The following LMX1A variants were observed in gnomAD, a reference collection of about 807,000 sequenced individuals.
LMX1A encodes LIM homeobox transcription factor 1 alpha, also known as LIM homeobox transcription factor 1-alpha.
LMX1A carries 15 observed loss-of-function variants against 49.1 expected under a neutral mutation model. The observed-to-expected ratio is 0.31, with a 90% CI of 0.20 to 0.47. The LOEUF (loss-of-function observed/expected upper bound fraction) is 0.47. LMX1A is among the 20% of genes least tolerant of loss of function. The probability of loss-of-function intolerance (pLI) is 1.00; values close to 1 mark genes in which losing one functional copy is unlikely to be tolerated. For missense variants in LMX1A, 372 were observed against 475.8 expected, an observed-to-expected ratio of 0.78 and a Z score of 2.03; for synonymous variants, 167 against 185.7, an observed-to-expected ratio of 0.90 and a Z score of 0.82.
At chr1:165,288,842 G>A (rs1022979868) in intron 3 of LMX1A, among the ~76,000 whole-genome samples, 3 of 152,224 alleles carry the variant, frequency 2.0e-5, no homozygotes, top group Non-Finnish European at 2.9e-5. Context: ...TGCTACAGAT[G>A]TGTGGCGGTG....
intron 5 of LMX1A, 95 bp from the exon 6 acceptor site, chr1:165,210,871 GTATCTGC>G: frequency 1.3e-6 from 1 of 751,516 alleles, no homozygotes; most frequent in East Asian, 2.8e-5. Context: ...CCAAAAGACT[GTATCTGC>G]TTTAGGAGCT....
At chr1:165,333,409 T>C (rs1243157830) in intron 3 of LMX1A, among the ~76,000 whole-genome samples, 1 of 152,132 alleles carries the variant, frequency 6.6e-6, no homozygotes, top group Non-Finnish European at 1.5e-5. Context: ...TCTGCCCACC[T>C]CCGCCTCCCA....
At chr1:165,280,462 G>A (rs2101705200) in intron 3 of LMX1A, among the ~76,000 whole-genome samples, 1 of 152,194 alleles carries the variant, frequency 6.6e-6, no homozygotes, top group Admixed American at 6.5e-5. Flanking sequence ...GAGCATTCAG[G>A]GATTCACCTC....
intron 4 of LMX1A, among the ~76,000 whole-genome samples, chr1:165,228,232 C>CA (rs34431741): frequency 0.82 from 125,124 of 152,094 alleles, 53,769 homozygotes; most frequent in Non-Finnish European, 0.95. Context: ...GTTTAGATAG[C>CA]CCTGCTGAAG....
intron 3 of LMX1A, among the ~76,000 whole-genome samples, chr1:165,276,676 T>A (rs374572452): frequency 8.9e-5 from 12 of 134,494 alleles, no homozygotes; most frequent in South Asian, 2.2e-4. Context: ...AAAAAAAAAA[T>A]TAAGTGTGGC....
intron 3 of LMX1A, among the ~76,000 whole-genome samples, chr1:165,317,514 G>C (rs746312815): frequency 1.3e-5 from 2 of 152,232 alleles, no homozygotes; most frequent in Non-Finnish European, 2.9e-5. Flanking sequence ...AGGCATTTCA[G>C]ATGTGTCAGC....
intron 3 of LMX1A, among the ~76,000 whole-genome samples, chr1:165,314,187 C>A (rs190862074): frequency 6.6e-6 from 1 of 152,160 alleles, no homozygotes; most frequent in African/African-American, 2.4e-5. Flanking sequence ...AGGGTGGCAG[C>A]GGTTGGGGGA....
At chr1:165,223,742 T>C (rs1466458598) in intron 4 of LMX1A, among the ~76,000 whole-genome samples, 1 of 152,088 alleles carries the variant, frequency 6.6e-6, no homozygotes, top group African/African-American at 2.4e-5. Context: ...CAATTTTGTA[T>C]GTTGTCTTAC....
chr1:165,232,674 C>T (rs570265992), intron 4 of LMX1A, among the ~76,000 whole-genome samples: 1 of 152,310 alleles, frequency 6.6e-6, no homozygotes, highest in East Asian at 1.9e-4. Flanking sequence ...CAGATCCAAA[C>T]CAATTCTTGG....
intron 3 of LMX1A, among the ~76,000 whole-genome samples, chr1:165,319,507 A>G (rs1655320289): frequency 6.6e-6 from 1 of 152,120 alleles, no homozygotes; most frequent in African/African-American, 2.4e-5. Context: ...TATGATAAAT[A>G]AATATATAAT....
chr1:165,291,656 T>C (rs1654469117), intron 3 of LMX1A, among the ~76,000 whole-genome samples: 1 of 152,258 alleles, frequency 6.6e-6, no homozygotes, highest in Admixed American at 6.5e-5. Flanking sequence ...GGTTCTGGCA[T>C]CATTTCCATT....
At chr1:165,221,237 A>G (rs1332665045) in intron 4 of LMX1A, among the ~76,000 whole-genome samples, 4 of 152,108 alleles carry the variant, frequency 2.6e-5, no homozygotes, top group Non-Finnish European at 5.9e-5. Context: ...TGCAGGCAGC[A>G]TTATTGTTAT....
chr1:165,218,159 T>G (rs1446997046), intron 4 of LMX1A, among the ~76,000 whole-genome samples: 1 of 152,238 alleles, frequency 6.6e-6, no homozygotes, highest in Admixed American at 6.5e-5. Flanking sequence ...CCTAGACCTC[T>G]CCTGACCTCT....
rs1330690584 is a variant in LMX1A at position 165,355,225 on chromosome 1, C to G, written c.76+259G>C. ...TTTTTAATCACTTGCCACTCAGACGCCTACGAACAAGCTCGCCCGCCCCTC... is the reference window on the plus strand; with the variant it reads ...TTTTTAATCACTTGCCACTCAGACGGCTACGAACAAGCTCGCCCGCCCCTC... On this transcript the variant is annotated intron_variant, in intron 2 of 8. Transcript: ENST00000342310. The surrounding 1 kb of genome is among the most constrained non-coding windows in gnomAD (Gnocchi z 4.7). Among the ~76,000 whole-genome samples, 2 of 152,110 alleles carry G rather than the reference C, an allele frequency of 1.3e-5. No homozygotes were observed. Among genetic ancestry groups the G allele is most frequent in the African/African-American group, 4.8e-5 (2 of 41,408 alleles).
chr1:165,217,141 A>G (rs1209820997), intron 4 of LMX1A, among the ~76,000 whole-genome samples: 1 of 152,158 alleles, frequency 6.6e-6, no homozygotes, highest in Admixed American at 6.5e-5. Context: ...ATATGACCCT[A>G]GCCAACATGT....
chr1:165,251,760 T>G lies in LMX1A; in HGVS notation c.264-2120A>C, dbSNP rs577590472. The stretch of plus-strand genomic sequence containing the variant: ...CCTTCAGGACACAGCAGCTTCCATC[T>G]TCTCCTTGAATCCTGCCCTGATCTG... On this transcript the variant is annotated intron_variant, in intron 3 of 8. Coordinates refer to ENST00000342310, the MANE Select transcript of LMX1A (RefSeq NM_177398.4). 2.4e-3 allele frequency among the ~76,000 whole-genome samples: 365 copies of G among 152,266 alleles called. 1 individual carries two copies. The highest frequency in any genetic ancestry group is 5.8e-3 in the Admixed American group (89 of 15,282).
chr1:165,323,260 T>C (rs548090248), intron 3 of LMX1A, among the ~76,000 whole-genome samples: 26 of 152,306 alleles, frequency 1.7e-4, no homozygotes, highest in African/African-American at 6.0e-4. Context: ...CAGTTAACCA[T>C]ACAAAATATA....
intron 4 of LMX1A, among the ~76,000 whole-genome samples, chr1:165,228,494 G>C (rs1027417795): frequency 1.3e-5 from 2 of 152,152 alleles, no homozygotes. Context: ...TTCTCCCCAG[G>C]CTGGCCCCAG....
chr1:165,313,767 T>C (rs1655142649), intron 3 of LMX1A, among the ~76,000 whole-genome samples: 1 of 152,032 alleles, frequency 6.6e-6, no homozygotes, highest in Non-Finnish European at 1.5e-5. Flanking sequence ...GACAGATGAG[T>C]TCACTGAGGC....
Sources: gnomAD v4.1 joint callset for allele counts (sites outside exome capture counted in the v4.1 genomes callset) on GRCh38, gnomAD v4.1.1 for gene constraint, Gnocchi (gnomAD v3.1) non-coding constraint, MANE v1.5 for transcripts, NCBI Gene and HGNC (gene_info 2026-07-23, HGNC 2026-07-21) for gene names.